The following MKLN1 variants were observed in gnomAD, a reference collection of about 807,000 sequenced individuals.
The protein encoded by MKLN1 is muskelin 1.
A neutral mutation model predicts 99.0 loss-of-function variants in MKLN1; 18 were observed. That is an observed-to-expected ratio of 0.18 (90% CI 0.13 to 0.27). The LOEUF is 0.27. Ranked by LOEUF, MKLN1 falls within the 10% of genes least tolerant of loss-of-function variation. The pLI is 1.00. For missense variants in MKLN1, 621 were observed against 875.9 expected, an observed-to-expected ratio of 0.71 and a Z score of 3.67; for synonymous variants, 288 against 293.2, an observed-to-expected ratio of 0.98 and a Z score of 0.18.
intron 17 of MKLN1, among the ~76,000 whole-genome samples, chr7:131,483,416 A>G (rs1458373615): frequency 1.3e-5 from 2 of 152,220 alleles, no homozygotes; most frequent in African/African-American, 2.4e-5. Context: ...TTATTCAAAG[A>G]GTACAGAGTT....
Position 131,467,703 on chromosome 7 carries a change from C to T in MKLN1, c.1928+1288C>T, listed in dbSNP as rs1008616602. Among the ~76,000 whole-genome samples, 17 of 152,124 alleles carry T rather than the reference C, an allele frequency of 1.1e-4. No homozygotes were observed. The East Asian group carries it at 1.9e-3, about 17-fold the overall frequency. ...AGGAAAGGGACAGCTTGTAAAGGGC[C>T]GTCAGCTTTTACTCTTAGGGGAGAT... On this transcript the variant is annotated intron_variant, in intron 15 of 17. Transcript: ENST00000352689.
At chr7:131,270,221 T>C (rs922833642) in intron 3 of MKLN1, among the ~76,000 whole-genome samples, 2 of 151,740 alleles carry the variant, frequency 1.3e-5, no homozygotes, top group Non-Finnish European at 2.9e-5. Flanking sequence ...GCACCCGGCC[T>C]ATTTTTATTT....
chr7:131,473,346 C>T (rs1216708493), intron 16 of MKLN1, among the ~76,000 whole-genome samples: 1 of 151,982 alleles, frequency 6.6e-6, no homozygotes, highest in Non-Finnish European at 1.5e-5. Context: ...AGTCTCAAAA[C>T]ACAAAAAGTG....
chr7:131,208,465 C>G (rs538685356), intron 3 of MKLN1, among the ~76,000 whole-genome samples: 1 of 152,002 alleles, frequency 6.6e-6, no homozygotes, highest in South Asian at 2.1e-4. Context: ...TGTGGTGGTG[C>G]GTGCCTGTGG....
chr7:131,120,518 C>T (rs1387816395), intron 1 of MKLN1, among the ~76,000 whole-genome samples: 2 of 143,278 alleles, frequency 1.4e-5, no homozygotes, highest in Admixed American at 7.1e-5. Flanking sequence ...CACTGCACTC[C>T]GGCCTGGGAG....
chr7:131,354,147 G>A (rs761427519), intron 1 of MKLN1, among the ~76,000 whole-genome samples: 3 of 151,960 alleles, frequency 2.0e-5, no homozygotes, highest in Admixed American at 6.6e-5. Context: ...GAGTAAACTT[G>A]TCTATGTCTA....
chr7:131,314,918 C>T (rs1798637079), intron 3 of MKLN1, among the ~76,000 whole-genome samples: 1 of 152,088 alleles, frequency 6.6e-6, no homozygotes, highest in South Asian at 2.1e-4. Flanking sequence ...ACTACAGGCA[C>T]ACACCACCAT....
At chr7:131,272,459 G>A (rs1797900396) in intron 3 of MKLN1, among the ~76,000 whole-genome samples, 1 of 152,252 alleles carries the variant, frequency 6.6e-6, no homozygotes, top group Non-Finnish European at 1.5e-5. Context: ...GTAGGGGTGA[G>A]AGGAGGTTGG....
chr7:131,328,022 G>T, intron 1 of MKLN1, 25 bp downstream of exon 1: 6 of 1,612,416 alleles, frequency 3.7e-6, no homozygotes, highest in Non-Finnish European at 5.1e-6. Context: ...TTGAGCTCGT[G>T]CTGCCCCACC....
chr7:131,247,825 C>T (rs1183435322), intron 3 of MKLN1, among the ~76,000 whole-genome samples: 1 of 152,090 alleles, frequency 6.6e-6, no homozygotes, highest in African/African-American at 2.4e-5. Flanking sequence ...TGTACATTTC[C>T]CCCATTTATG....
intron 2 of MKLN1, among the ~76,000 whole-genome samples, chr7:131,155,651 A>AT (rs1469666044): frequency 1.3e-5 from 2 of 152,222 alleles, no homozygotes; most frequent in African/African-American, 4.8e-5. Context: ...AGAAAAAAAA[A>AT]GTAGATTATA....
intron 1 of MKLN1, among the ~76,000 whole-genome samples, chr7:131,336,507 C>A (rs974612273): frequency 1.8e-4 from 28 of 151,992 alleles, no homozygotes; most frequent in African/African-American, 6.8e-4. Flanking sequence ...TCTATTTTCT[C>A]TCCATTGTTG....
intron 1 of MKLN1, among the ~76,000 whole-genome samples, chr7:131,332,347 A>T (rs1199445167): frequency 6.7e-6 from 1 of 148,374 alleles, no homozygotes; most frequent in Non-Finnish European, 1.5e-5. Context: ...TTATGTTAAA[A>T]ATATGTAAAT....
At chr7:131,189,115 T>G (rs1303815932) in intron 2 of MKLN1, among the ~76,000 whole-genome samples, 1 of 152,152 alleles carries the variant, frequency 6.6e-6, no homozygotes, top group African/African-American at 2.4e-5. Context: ...AAGCAATAAC[T>G]CAACTAAACA....
intron 2 of MKLN1, among the ~76,000 whole-genome samples, chr7:131,175,677 G>A (rs542461723): frequency 1.4e-4 from 22 of 152,296 alleles, no homozygotes; most frequent in South Asian, 4.1e-4. Context: ...CAAGGCAAGC[G>A]GATCACAAGG....
chr7:131,359,939 C>CT (rs1799980983), intron 1 of MKLN1, among the ~76,000 whole-genome samples: 1 of 151,668 alleles, frequency 6.6e-6, no homozygotes, highest in Admixed American at 6.6e-5. Flanking sequence ...AAAACATGTA[C>CT]TTTTTTACCA....
intron 2 of MKLN1, among the ~76,000 whole-genome samples, chr7:131,155,409 T>TG (rs1795948481): frequency 2.0e-5 from 3 of 152,216 alleles, no homozygotes; most frequent in Non-Finnish European, 2.9e-5. Context: ...TATAAATCCT[T>TG]TAGTTGTAAA....
intron 10 of MKLN1, among the ~76,000 whole-genome samples, chr7:131,438,360 A>G (rs1405650620): frequency 6.6e-6 from 1 of 151,546 alleles, no homozygotes; most frequent in African/African-American, 2.4e-5. Flanking sequence ...TGAGAAATGG[A>G]AATCACTTTA....
chr7:131,427,524 A>G (rs1191149810), intron 8 of MKLN1, among the ~76,000 whole-genome samples: 1 of 152,048 alleles, frequency 6.6e-6, no homozygotes, highest in Non-Finnish European at 1.5e-5. Flanking sequence ...ACAAAGGGGG[A>G]AATATTTGAA....
Sources: allele counts gnomAD v4.1 joint callset (sites outside exome capture counted in the v4.1 genomes callset), GRCh38; gene constraint gnomAD v4.1.1; transcripts MANE v1.5; gene names NCBI Gene and HGNC (gene_info 2026-07-23, HGNC 2026-07-21).